The following TRPM7 variants were observed in gnomAD, a reference collection of about 807,000 sequenced individuals.
TRPM7 encodes the protein transient receptor potential cation channel subfamily M member 7.
A neutral mutation model predicts 229.7 loss-of-function variants in TRPM7; 134 were observed. The observed-to-expected ratio is 0.58, with a 90% CI of 0.51 to 0.67. The LOEUF (loss-of-function observed/expected upper bound fraction) is 0.67, where lower values mean the gene tolerates loss of function less well. Ranked by LOEUF, TRPM7 falls within the 30% of genes least tolerant of loss-of-function variation. The probability of loss-of-function intolerance (pLI) is 0.00; values close to 1 mark genes in which losing one functional copy is unlikely to be tolerated. For synonymous variants in TRPM7, 699 were observed against 715.2 expected (o/e 0.98, Z 0.36); for missense variants, 1,901 against 2,210.0 (o/e 0.86, Z 2.80).
At chr15:50,642,005 A>G (rs1372522767) in intron 5 of TRPM7, among the ~76,000 whole-genome samples, 1 of 152,110 alleles carries the variant, frequency 6.6e-6, no homozygotes, top group East Asian at 1.9e-4. Flanking sequence ...CTCAAAAAAA[A>G]AAAAAAAAAA....
rs74960171 is a variant in TRPM7 at position 50,592,841 on chromosome 15, C to T, written c.3609-215G>A. Among the ~76,000 whole-genome samples, 620 of 152,262 alleles carry T rather than the reference C, an allele frequency of 4.1e-3. 5 individuals carry two copies. The highest frequency in any genetic ancestry group is 0.014 in the African/African-American group (586 of 41,552). On this transcript the variant is annotated intron_variant, in intron 25 of 38. Transcript: ENST00000646667. Reference sequence around the variant, plus strand: ...TATTAAAATGCAAGATTTCAAAAAACGTTTTTGTTCCACAGGCTACTTATT... The same window carrying T: ...TATTAAAATGCAAGATTTCAAAAAATGTTTTTGTTCCACAGGCTACTTATT...
intron 10 of TRPM7, among the ~76,000 whole-genome samples, chr15:50,630,593 C>T (rs181319074): frequency 1.1e-4 from 16 of 152,280 alleles, no homozygotes; most frequent in Admixed American, 7.2e-4. Context: ...ATGAAGATGA[C>T]ATGTTTTAAA....
chr15:50,600,580 C>T (rs1006801023), intron 21 of TRPM7, among the ~76,000 whole-genome samples: 4 of 152,002 alleles, frequency 2.6e-5, no homozygotes, highest in African/African-American at 7.3e-5. Context: ...TAAATCTGTA[C>T]ATTAACCTAC....
At chr15:50,563,095 C>T (rs1160849980) in intron 38 of TRPM7, among the ~76,000 whole-genome samples, 1 of 152,046 alleles carries the variant, frequency 6.6e-6, no homozygotes, top group African/African-American at 2.4e-5. Context: ...AGTTAATGGC[C>T]CAAGATTGTC....
chr15:50,572,345 T>C (rs1411370279), intron 36 of TRPM7, among the ~76,000 whole-genome samples: 1 of 152,146 alleles, frequency 6.6e-6, no homozygotes, highest in Non-Finnish European at 1.5e-5. Context: ...TCAGCAACTA[T>C]CAGTTAGCAG....
intron 9 of TRPM7, among the ~76,000 whole-genome samples, chr15:50,632,276 G>A (rs987080564): frequency 3.3e-5 from 5 of 150,056 alleles, no homozygotes; most frequent in African/African-American, 1.2e-4. Context: ...TTGAGCAATG[G>A]AGCGAGACTC....
intron 38 of TRPM7, among the ~76,000 whole-genome samples, chr15:50,569,297 G>A (rs1215489593): frequency 6.6e-6 from 1 of 152,090 alleles, no homozygotes; most frequent in African/African-American, 2.4e-5. Flanking sequence ...ATAATAACTT[G>A]TAATTCTCTG....
In TRPM7 at chr15:50,678,257, AC is replaced by A. The variant is rs1253422681; in HGVS notation, c.3+8273del. 1.9e-3 allele frequency among the ~76,000 whole-genome samples: 259 copies of A among 133,096 alleles called. 5 individuals carry two copies. The highest frequency in any genetic ancestry group is 3.5e-3 in the African/African-American group (135 of 39,036). The allele number at this position is 133,096 out of a possible 152,430, so 87.3% of individuals were successfully genotyped here. On this transcript the variant is annotated intron_variant, in intron 1 of 38. Coordinates refer to ENST00000646667, the MANE Select transcript of TRPM7 (RefSeq NM_017672.6). ...TCTCTCTCAAAAAAAAAAAACAAAAACAAAAACAAAAACAAAAACAAAAACC... is the reference window on the plus strand; with the variant it reads ...TCTCTCTCAAAAAAAAAAAACAAAAAAAAAACAAAAACAAAAACAAAAACC...
intron 31 of TRPM7, among the ~76,000 whole-genome samples, chr15:50,578,261 T>C (rs1043166447): frequency 6.6e-6 from 1 of 152,178 alleles, no homozygotes; most frequent in Admixed American, 6.5e-5. Context: ...TAGTGGAGGA[T>C]GGATTTTAGA....
chr15:50,569,025 G>A (rs2053747002), intron 38 of TRPM7, among the ~76,000 whole-genome samples: 1 of 151,372 alleles, frequency 6.6e-6, no homozygotes, highest in South Asian at 2.1e-4. Flanking sequence ...CTCAAGGGTG[G>A]GCCCCAGACA....
chr15:50,579,645 A>G (rs987982005), intron 30 of TRPM7, among the ~76,000 whole-genome samples: 6 of 152,214 alleles, frequency 3.9e-5, no homozygotes, highest in Admixed American at 6.5e-5. Context: ...GGCTTTGGTT[A>G]TAAAAGAAAA....
intron 1 of TRPM7, among the ~76,000 whole-genome samples, chr15:50,671,656 T>G (rs1326399470): frequency 1.3e-5 from 2 of 152,030 alleles, no homozygotes; most frequent in Non-Finnish European, 2.9e-5. Context: ...AAAAGTTTTT[T>G]TTAATTAGCC....
At chr15:50,629,520 G>A (rs1463832010) in intron 10 of TRPM7, among the ~76,000 whole-genome samples, 1 of 135,492 alleles carries the variant, frequency 7.4e-6, no homozygotes, top group Non-Finnish European at 1.6e-5. Flanking sequence ...CAATCTGCTT[G>A]CCTCAGCCTC....
chr15:50,586,352 G>A (rs1441035329), intron 28 of TRPM7, 40 bp downstream of exon 28: 1 of 1,270,388 alleles, frequency 7.9e-7, no homozygotes, highest in Non-Finnish European at 1.1e-6. Context: ...GTGTAAATGA[G>A]TATGTTTTCT....
In TRPM7 at chr15:50,648,897, A is replaced by C; in HGVS notation, c.123-12T>G. The C allele has an allele frequency of 6.3e-7, 1 of 1,591,898 alleles. No individual in the cohort carries two copies. The highest frequency in any genetic ancestry group is 8.6e-7 in the Non-Finnish European group (1 of 1,168,280). ...GACCACAAAAACACCTAAAAGAAAA[A>C]GGTGAGATTAAAACACCCTTCAAAA... On this transcript the variant is annotated splice_polypyrimidine_tract_variant and intron_variant, in intron 3 of 38. Transcript: ENST00000646667.
chr15:50,678,498 C>A (rs2062150866), intron 1 of TRPM7, among the ~76,000 whole-genome samples: 1 of 94,548 alleles, frequency 1.1e-5, no homozygotes. Flanking sequence ...CTCTCTAGTT[C>A]CATTCTTTAA....
intron 1 of TRPM7, among the ~76,000 whole-genome samples, chr15:50,673,943 A>G (rs1567123017): frequency 6.6e-6 from 1 of 152,018 alleles, no homozygotes; most frequent in Non-Finnish European, 1.5e-5. Flanking sequence ...TGTTTTATGT[A>G]TTATGGCCAT....
intron 36 of TRPM7, among the ~76,000 whole-genome samples, chr15:50,574,064 G>A (rs2054020353): frequency 1.3e-5 from 2 of 151,194 alleles, no homozygotes; most frequent in Admixed American, 6.6e-5. Flanking sequence ...CTGGGGGTGG[G>A]GGAGGGGGCG....
chr15:50,647,061 A>AT (rs2140818278), intron 4 of TRPM7, among the ~76,000 whole-genome samples: 1 of 152,316 alleles, frequency 6.6e-6, no homozygotes, highest in South Asian at 2.1e-4. Flanking sequence ...ACATATCCCC[A>AT]TTCTTAAGTG....
Sources: allele counts gnomAD v4.1 joint callset (sites outside exome capture counted in the v4.1 genomes callset), GRCh38; gene constraint gnomAD v4.1.1; transcripts MANE v1.5; gene names NCBI Gene and HGNC (gene_info 2026-07-23, HGNC 2026-07-21).